SYT13: variants seen among roughly 807,000 people sequenced by gnomAD.
The protein encoded by SYT13 is synaptotagmin-13.
In SYT13, 21 loss-of-function variants were observed where a neutral mutation model predicts 38.6. The observed-to-expected ratio is 0.54, with a 90% CI of 0.39 to 0.78. The LOEUF is 0.78. SYT13 is among the 30% of genes least tolerant of loss of function. The probability of loss-of-function intolerance (pLI) is 0.00; values close to 1 mark genes in which losing one functional copy is unlikely to be tolerated. For missense variants in SYT13, 495 were observed against 548.7 expected (o/e 0.90, Z 0.98); for synonymous variants, 241 against 237.6 (o/e 1.01, Z -0.13).
chr11:45,267,465 G>C (rs889969821), intron 1 of SYT13, among the ~76,000 whole-genome samples: 1 of 152,142 alleles, frequency 6.6e-6, no homozygotes, highest in Non-Finnish European at 1.5e-5. Flanking sequence ...CAGATTCCCA[G>C]GCCCCCCAGA....
intron 4 of SYT13, among the ~76,000 whole-genome samples, chr11:45,249,032 A>G (rs1012725509): frequency 6.7e-6 from 1 of 149,816 alleles, no homozygotes; most frequent in Non-Finnish European, 1.5e-5. Context: ...AGAATCTACA[A>G]AGAAATTAAA....
Position 45,254,376 on chromosome 11 carries a change from C to G in SYT13, c.438G>C (p.Glu146Asp), listed in dbSNP as rs1468798187. ...TGGCAGCCTTCTCTGGGTTCCAGGT[C>G]TCCATGACACAGACATCCTCCACCA... ...NGVVEDVCVMETWNPEKAASW... is the reference protein window; with the variant it reads ...NGVVEDVCVMDTWNPEKAASW... The change falls in exon 3 of 6, where the codon GAG becomes GAC. Residue 146 changes from glutamate to aspartate, a missense_variant. Transcript: ENST00000020926. 6 of 1,613,478 alleles carry G rather than the reference C, an allele frequency of 3.7e-6. No homozygotes were observed. Among genetic ancestry groups the G allele is most frequent in the Non-Finnish European group, 5.1e-6 (6 of 1,179,822 alleles).
rs1474508193 is a variant in SYT13, at chr11:45,252,526, G to A, written c.741C>T (p.Asp247=). Residue 247 remains aspartate (D), a synonymous_variant, in exon 4 of 6, where the codon GAC becomes GAT. Transcript: ENST00000020926. This position sits in a 1 kb window ranked among gnomAD's most constrained non-coding sequence, Gnocchi z 4.3. ...ATLTLTLRTC[D]RFSRHSVAGE... is the part of the protein sequence containing the mutation. Reference sequence around the variant, plus strand: ...CGGCCACGCTGTGACGGGAGAAGCGGTCGCAGGTCCTCAAGGTCAGCGTCA... The same window carrying A: ...CGGCCACGCTGTGACGGGAGAAGCGATCGCAGGTCCTCAAGGTCAGCGTCA... 7.4e-6 allele frequency: 12 copies of A among 1,614,082 alleles called. No homozygotes were observed. The highest frequency in any genetic ancestry group is 1.0e-5 in the Non-Finnish European group (12 of 1,180,040).
At chr11:45,246,775 C>T (rs1759565566) in intron 4 of SYT13, among the ~76,000 whole-genome samples, 1 of 152,086 alleles carries the variant, frequency 6.6e-6, no homozygotes. Context: ...ATCCAACATA[C>T]AAAACAGAAC....
At chr11:45,262,624 G>T (rs1854831449) in intron 1 of SYT13, among the ~76,000 whole-genome samples, 1 of 151,826 alleles carries the variant, frequency 6.6e-6, no homozygotes, top group South Asian at 2.1e-4. Context: ...TACTCAGGCG[G>T]CCGAGGTGGG....
intron 1 of SYT13, among the ~76,000 whole-genome samples, chr11:45,261,094 T>A (rs966083088): frequency 6.6e-6 from 1 of 152,174 alleles, no homozygotes; most frequent in Admixed American, 6.5e-5. Context: ...GATATGCAAA[T>A]GGCCAATAAG....
rs547802253 is a variant in SYT13, at chr11:45,256,326, C to T, written c.184-435G>A. Among the ~76,000 whole-genome samples the T allele has an allele frequency of 7.2e-5, 11 of 152,322 alleles. No individual in the cohort carries two copies. The South Asian group carries it at 2.3e-3, about 32-fold the overall frequency. ...CTCCTTGCAGCTTGCCTAGCTTGAT[C>T]CTGCTCATCTCTCTGATATCGCCCC... On this transcript the variant is annotated intron_variant, in intron 1 of 5. Coordinates refer to ENST00000020926, the MANE Select transcript of SYT13 (RefSeq NM_020826.3).
chr11:45,251,410 A>AAAT lies in SYT13; in HGVS notation c.846+1010_846+1011insATT, dbSNP rs1169921504. Among the ~76,000 whole-genome samples the AAAT allele has an allele frequency of 4.0e-5, 6 of 150,630 alleles. No individual in the cohort carries two copies. The East Asian group carries it at 9.7e-4, about 24-fold the overall frequency. ...CTAAAAAAAAAAAAAAAAAAAAAAA[A>AAAT]TAGTGCCCTAATCAGTATTTTGCTT... On this transcript the variant is annotated intron_variant, in intron 4 of 5. Transcript: ENST00000020926.
intron 1 of SYT13, among the ~76,000 whole-genome samples, chr11:45,273,790 C>T (rs1389502343): frequency 1.3e-5 from 2 of 152,216 alleles, no homozygotes; most frequent in African/African-American, 2.4e-5. Context: ...CTAACAGACA[C>T]GTTTCATTTA....
chr11:45,243,556 C>G lies in SYT13; in HGVS notation c.*496G>C, dbSNP rs1194556027. On this transcript the variant is annotated 3_prime_UTR_variant, in exon 6 of 6. Coordinates refer to ENST00000020926, the MANE Select transcript of SYT13 (RefSeq NM_020826.3). Reference sequence around the variant, plus strand: ...CCAGGAATCTGCTGGTGACTCTTCACATGCTAAAGTTTGAGAACTGCCGGG... The same window carrying G: ...CCAGGAATCTGCTGGTGACTCTTCAGATGCTAAAGTTTGAGAACTGCCGGG... 1 of 153,202 alleles carries G rather than the reference C, an allele frequency of 6.5e-6. No homozygotes were observed. Among genetic ancestry groups the G allele is most frequent in the Non-Finnish European group, 1.5e-5 (1 of 68,768 alleles). The allele number at this position is 153,202 out of a possible 1,614,324, so 9.5% of individuals were successfully genotyped here.
chr11:45,259,082 C>T (rs765283548), intron 1 of SYT13, among the ~76,000 whole-genome samples: 21 of 152,224 alleles, frequency 1.4e-4, no homozygotes, highest in Non-Finnish European at 2.6e-4. Context: ...CACCCCCTTG[C>T]CCCCTGCAAA....
chr11:45,278,830 A>G (rs372052711), intron 1 of SYT13, among the ~76,000 whole-genome samples: 35 of 152,192 alleles, frequency 2.3e-4, no homozygotes, highest in African/African-American at 7.2e-4. Flanking sequence ...TCCAGCGGGT[A>G]TGTGCTCATC....
chr11:45,264,867 A>C (rs1854862802), intron 1 of SYT13, among the ~76,000 whole-genome samples: 1 of 152,258 alleles, frequency 6.6e-6, no homozygotes, highest in Non-Finnish European at 1.5e-5. Flanking sequence ...GATGTGAGAC[A>C]TTTGGGATGG....
At chr11:45,259,232 C>G (rs1854787627) in intron 1 of SYT13, among the ~76,000 whole-genome samples, 1 of 152,188 alleles carries the variant, frequency 6.6e-6, no homozygotes, top group South Asian at 2.1e-4. Flanking sequence ...GACTTAAAGT[C>G]ACCCTCTACT....
rs540719380 is a variant in SYT13, at chr11:45,245,460, T to C, written c.976+923A>G. Among the ~76,000 whole-genome samples the C allele has an allele frequency of 2.6e-5, 4 of 152,308 alleles. No individual in the cohort carries two copies. In the East Asian group the frequency reaches 7.7e-4, roughly 29 times the overall value. ...TCTAAAGGGAATGAGATAAAAGCAT[T>C]GAACTTTGACCTTTGACTCAGGAAC... is the stretch of plus-strand genomic sequence containing the variant. On this transcript the variant is annotated intron_variant, in intron 5 of 5. Transcript: ENST00000020926.
chr11:45,255,351 G>C (rs1242038754), intron 2 of SYT13, among the ~76,000 whole-genome samples: 1 of 152,206 alleles, frequency 6.6e-6, no homozygotes, highest in Non-Finnish European at 1.5e-5. Context: ...TGAAAGGGCA[G>C]CAAATTAAAC....
rs1195929492 is a variant in SYT13, at chr11:45,270,726, G to GA, written c.184-14836dup. On this transcript the variant is annotated intron_variant, in intron 1 of 5. Coordinates refer to ENST00000020926, the MANE Select transcript of SYT13 (RefSeq NM_020826.3). ...CACCCATTAGAGGTGATGCAGTGTAGAAAAAAAGTGCAGGGAACCACTAAT... is the reference window on the plus strand; with the variant it reads ...CACCCATTAGAGGTGATGCAGTGTAGAAAAAAAAGTGCAGGGAACCACTAAT... Among the ~76,000 whole-genome samples, 3 of 151,974 alleles carry GA rather than the reference G, an allele frequency of 2.0e-5. No individual in the cohort carries two copies. The East Asian group carries it at 5.8e-4, about 29-fold the overall frequency.
chr11:45,269,453 C>T (rs1854923114), intron 1 of SYT13: 1 of 1,278,138 alleles, frequency 7.8e-7, no homozygotes, highest in African/African-American at 1.5e-5. Context: ...TTTCAGCAGT[C>T]ACATCACAAA....
intron 1 of SYT13, chr11:45,269,503 G>C (rs569239921): frequency 8.2e-5 from 106 of 1,286,448 alleles, no homozygotes; most frequent in Non-Finnish European, 1.0e-4. Context: ...ATATGTAACA[G>C]ATGCTCTGCA....
Sources: gnomAD v4.1 joint callset for allele counts (sites outside exome capture counted in the v4.1 genomes callset) on GRCh38, gnomAD v4.1.1 for gene constraint, Gnocchi (gnomAD v3.1) non-coding constraint, MANE v1.5 for transcripts, NCBI Gene and HGNC (gene_info 2026-07-23, HGNC 2026-07-21) for gene names.